GFRA2: variants seen among roughly 807,000 people sequenced by gnomAD.
GFRA2 encodes GDNF family receptor alpha-2.
GFRA2 carries 17 observed loss-of-function variants against 48.3 expected under a neutral mutation model. The observed-to-expected ratio is 0.35, with a 90% CI of 0.24 to 0.53. GFRA2 has a LOEUF of 0.53. Ranked by LOEUF, GFRA2 falls within the 20% of genes least tolerant of loss-of-function variation. The pLI is 0.93. For missense variants in GFRA2, 660 were observed against 637.3 expected, an observed-to-expected ratio of 1.04 and a Z score of -0.38; for synonymous variants, 305 against 257.2, an observed-to-expected ratio of 1.19 and a Z score of -1.78.
At chr8:21,703,763 C>T (rs1201961444) in intron 6 of GFRA2, among the ~76,000 whole-genome samples, 1 of 152,164 alleles carries the variant, frequency 6.6e-6, no homozygotes, top group African/African-American at 2.4e-5. Context: ...CACCCCATCT[C>T]CCATCGCTGT....
intron 8 of GFRA2, among the ~76,000 whole-genome samples, chr8:21,694,091 A>ATATATATATATAT (rs1802035893): frequency 7.2e-6 from 1 of 139,754 alleles, no homozygotes; most frequent in African/African-American, 2.6e-5. Flanking sequence ...ATATATATAT[A>ATATATATATATAT]TTTCCTATAG....
chr8:21,772,893 C>T (rs1416408442), intron 3 of GFRA2, among the ~76,000 whole-genome samples: 1 of 152,220 alleles, frequency 6.6e-6, no homozygotes, highest in African/African-American at 2.4e-5. Context: ...GCTTCAACAT[C>T]CAGGAGCAAG....
intron 1 of GFRA2, among the ~76,000 whole-genome samples, chr8:21,809,348 G>A (rs970484795): frequency 5.9e-5 from 9 of 152,176 alleles, no homozygotes; most frequent in Admixed American, 5.2e-4. Flanking sequence ...TTTGGGAAAC[G>A]GAGTCTCGCT....
intron 3 of GFRA2, among the ~76,000 whole-genome samples, chr8:21,751,517 C>T (rs1044750657): frequency 6.6e-6 from 1 of 151,328 alleles, no homozygotes; most frequent in African/African-American, 2.5e-5. Flanking sequence ...GGGCAAGGGG[C>T]CTGCCCAAGG....
At chr8:21,781,613 C>T (rs1806989601) in intron 2 of GFRA2, among the ~76,000 whole-genome samples, 1 of 152,044 alleles carries the variant, frequency 6.6e-6, no homozygotes, top group South Asian at 2.1e-4. Flanking sequence ...CCTCTCACAG[C>T]ACTTACACCA....
intron 4 of GFRA2, among the ~76,000 whole-genome samples, chr8:21,736,028 C>T (rs1051381565): frequency 1.3e-5 from 2 of 152,246 alleles, no homozygotes; most frequent in East Asian, 1.9e-4. Context: ...CTGGTTCACT[C>T]GGGCTCCCTC....
Position 21,749,483 on chromosome 8 carries a change from G to A in GFRA2, c.794+1105C>T, listed in dbSNP as rs536310663. On this transcript the variant is annotated intron_variant, in intron 4 of 8. Coordinates refer to ENST00000524240, the MANE Select transcript of GFRA2 (RefSeq NM_001495.5). The stretch of plus-strand genomic sequence containing the variant: ...AAAGACAGGATTCAAAGCTAGGACC[G>A]TCCGACTCCAGGACCCATTCCTCAC... 1.1e-4 allele frequency among the ~76,000 whole-genome samples: 16 copies of A among 151,860 alleles called. No homozygotes were observed. The South Asian group carries it at 1.3e-3, about 12-fold the overall frequency.
intron 4 of GFRA2, among the ~76,000 whole-genome samples, chr8:21,731,563 C>T (rs1357327906): frequency 2.0e-5 from 3 of 152,078 alleles, no homozygotes; most frequent in Admixed American, 6.5e-5. Context: ...ATGAGGAAGT[C>T]CCCTGAACAG....
chr8:21,732,085 A>G (rs1323289777), intron 4 of GFRA2, among the ~76,000 whole-genome samples: 3 of 152,382 alleles, frequency 2.0e-5, no homozygotes, highest in African/African-American at 4.8e-5. Context: ...GCGAGTGAAC[A>G]TGCCAGCGGG....
intron 4 of GFRA2, among the ~76,000 whole-genome samples, chr8:21,723,809 C>A (rs1162311441): frequency 6.6e-6 from 1 of 152,218 alleles, no homozygotes; most frequent in Non-Finnish European, 1.5e-5. Flanking sequence ...GCACTTCCTG[C>A]AGAACAAACT....
chr8:21,695,997 C>T (rs897170493), intron 7 of GFRA2, among the ~76,000 whole-genome samples: 7 of 151,990 alleles, frequency 4.6e-5, no homozygotes, highest in African/African-American at 1.7e-4. Flanking sequence ...TGTCTTATCC[C>T]TACATCCCTA....
In GFRA2 at chr8:21,750,071, A is replaced by G. The variant is rs540443922; in HGVS notation, c.794+517T>C. Among the ~76,000 whole-genome samples the G allele has an allele frequency of 7.3e-5, 11 of 149,932 alleles. No homozygotes were observed. In the South Asian group the frequency reaches 1.5e-3, roughly 20 times the overall value. On this transcript the variant is annotated intron_variant, in intron 4 of 8. Transcript: ENST00000524240. This position sits in a 1 kb window ranked among gnomAD's most constrained non-coding sequence, Gnocchi z 5.7. ...TATGTAAGTATATATATGTGTATAT[A>G]TGTGTGTGTGTGTGTATACACACAC...
At chr8:21,810,788 G>A (rs1469984834) in intron 1 of GFRA2, among the ~76,000 whole-genome samples, 2 of 152,182 alleles carry the variant, frequency 1.3e-5, no homozygotes, top group African/African-American at 4.8e-5. Flanking sequence ...AGTGAGGTGG[G>A]CACTGAGGTG....
At chr8:21,766,985 C>T (rs1292419193) in intron 3 of GFRA2, among the ~76,000 whole-genome samples, 1 of 129,356 alleles carries the variant, frequency 7.7e-6, no homozygotes, top group Admixed American at 7.9e-5. Context: ...ACACTTACTA[C>T]ATACCACACA....
chr8:21,783,009 C>G, intron 1 of GFRA2, 110 bp from the exon 2 acceptor site: 2 of 1,021,660 alleles, frequency 2.0e-6, no homozygotes, highest in South Asian at 2.7e-5. Flanking sequence ...CCCATTTCGC[C>G]AAAGCACACC....
chr8:21,782,805 C>T lies in GFRA2; in HGVS notation c.135G>A (p.Glu45=). The change falls in exon 2 of 9, where the codon GAG becomes GAA. Residue 45 remains glutamate, a synonymous_variant. Transcript: ENST00000524240. ...TGCAGTTGGATTCGGCGGCACACAGCTCATTGGCCCGGACACAGTCCACTG... is the reference window on the plus strand; with the variant it reads ...TGCAGTTGGATTCGGCGGCACACAGTTCATTGGCCCGGACACAGTCCACTG... ...RPPVDCVRAN[E]LCAAESNCSS... 5.7e-6 allele frequency: 9 copies of T among 1,579,500 alleles called. No homozygotes were observed. Among genetic ancestry groups the T allele is most frequent in the East Asian group, 4.6e-5 (2 of 43,410 alleles).
intron 1 of GFRA2, among the ~76,000 whole-genome samples, chr8:21,808,089 C>T (rs1465441506): frequency 6.6e-6 from 1 of 152,214 alleles, no homozygotes; most frequent in Non-Finnish European, 1.5e-5. Context: ...CACCTTCTCA[C>T]TCCACAATGC....
chr8:21,780,663 C>G (rs766085189), intron 2 of GFRA2, among the ~76,000 whole-genome samples: 99 of 152,246 alleles, frequency 6.5e-4, no homozygotes, highest in Middle Eastern at 3.4e-3. Flanking sequence ...TTCCCCATCC[C>G]CCTGCCCTCC....
At chr8:21,760,452 GGA>G (rs903810563) in intron 3 of GFRA2, among the ~76,000 whole-genome samples, 5 of 152,118 alleles carry the variant, frequency 3.3e-5, no homozygotes, top group Admixed American at 6.5e-5. Context: ...TTGAGTGGGA[GGA>G]GAGAGAGAAA....
Sources: allele counts gnomAD v4.1 joint callset (sites outside exome capture counted in the v4.1 genomes callset), GRCh38; gene constraint gnomAD v4.1.1; non-coding constraint Gnocchi (gnomAD v3.1); transcripts MANE v1.5; gene names NCBI Gene and HGNC (gene_info 2026-07-23, HGNC 2026-07-21).